Variants in HEG1 observed in about 807,000 individuals in gnomAD.
HEG1 encodes heart development protein with EGF like domains 1.
A neutral mutation model predicts 125.6 loss-of-function variants in HEG1; 56 were observed. That is an observed-to-expected ratio of 0.45 (90% CI 0.36 to 0.56). The LOEUF (loss-of-function observed/expected upper bound fraction) is 0.56, where lower values mean the gene tolerates loss of function less well. Ranked by LOEUF, HEG1 falls within the 20% of genes least tolerant of loss-of-function variation. The pLI, the probability that HEG1 is intolerant of heterozygous loss-of-function variation, is 0.00. For synonymous variants in HEG1, 644 were observed against 668.5 expected, an observed-to-expected ratio of 0.96 and a Z score of 0.57; for missense variants, 1,523 against 1,670.0, an observed-to-expected ratio of 0.91 and a Z score of 1.53.
Position 125,055,720 on chromosome 3 carries a change from C to A in HEG1, c.171G>T (p.Glu57Asp). Residue 57 changes from glutamate to aspartate, a missense_variant, in exon 1 of 17, where the codon GAG (glutamate) becomes GAT (aspartate). Coordinates refer to ENST00000311127, the MANE Select transcript of HEG1 (RefSeq NM_020733.2). ...LAGAGLELQL[E>D]RRPEREPPPT... ...GCGGCGGCTCGCGCTCCGGGCGGCGCTCCAGCTGCAGCTCCAGCCCCGCTC... is the reference window on the plus strand; with the variant it reads ...GCGGCGGCTCGCGCTCCGGGCGGCGATCCAGCTGCAGCTCCAGCCCCGCTC... 9.5e-7 allele frequency: 1 copy of A among 1,057,272 alleles called. No individual in the cohort carries two copies. The highest frequency in any genetic ancestry group is 1.1e-6 in the Non-Finnish European group (1 of 878,508). 65.5% of individuals were successfully genotyped at this position (1,057,272 alleles called of 1,614,324 possible).
chr3:125,001,021 TTTTGAACTTGTC>T (rs1280994702), intron 11 of HEG1, among the ~76,000 whole-genome samples: 2 of 152,244 alleles, frequency 1.3e-5, no homozygotes, highest in Non-Finnish European at 2.9e-5. Context: ...AAAACTTCCC[TTTTGAACTTGTC>T]TCCAATCCCT....
In HEG1 at chr3:125,009,285, TG is replaced by T. The variant is rs1191792651; in HGVS notation, c.3193+419del. The stretch of plus-strand genomic sequence containing the variant: ...TACTCTCTCTTTTCTCCATCTAAAT[TG>T]TTTTTTTTTTTTTTATTATGTGGTC... On this transcript the variant is annotated intron_variant, in intron 8 of 16. Transcript: ENST00000311127. 8.6e-5 allele frequency among the ~76,000 whole-genome samples: 13 copies of T among 150,846 alleles called. No individual in the cohort carries two copies. The South Asian group carries it at 1.0e-3, about 12-fold the overall frequency.
intron 1 of HEG1, among the ~76,000 whole-genome samples, chr3:125,033,535 T>C (rs756638673): frequency 5.3e-5 from 8 of 152,188 alleles, no homozygotes; most frequent in Non-Finnish European, 1.2e-4. Flanking sequence ...CCCGAGTATA[T>C]ATAATCACAA....
chr3:125,016,156 G>T (rs1461200968), intron 5 of HEG1, among the ~76,000 whole-genome samples: 2 of 152,202 alleles, frequency 1.3e-5, no homozygotes, highest in African/African-American at 4.8e-5. Flanking sequence ...ATGAAATTTA[G>T]GCCAATGACC....
intron 14 of HEG1, among the ~76,000 whole-genome samples, chr3:124,979,592 C>T (rs1314612450): frequency 2.0e-5 from 3 of 152,062 alleles, no homozygotes; most frequent in African/African-American, 7.2e-5. Flanking sequence ...TGTGGAAATA[C>T]AAGAAAATTG....
chr3:125,027,130 C>A (rs1234182832), intron 3 of HEG1, 75 bp downstream of exon 3: 3 of 1,328,882 alleles, frequency 2.3e-6, no homozygotes, highest in Non-Finnish European at 3.0e-6. Flanking sequence ...GAGTATGTAA[C>A]TAGCTGGCTA....
At chr3:125,010,938 T>C (rs960268702) in intron 6 of HEG1, among the ~76,000 whole-genome samples, 1 of 152,138 alleles carries the variant, frequency 6.6e-6, no homozygotes, top group Non-Finnish European at 1.5e-5. Flanking sequence ...ATCAACTCAT[T>C]CCCCCGCTAG....
chr3:125,022,355 T>C (rs1036098176), intron 3 of HEG1, among the ~76,000 whole-genome samples: 4 of 151,094 alleles, frequency 2.6e-5, no homozygotes, highest in Non-Finnish European at 5.9e-5. Flanking sequence ...CTATGTGCAG[T>C]TGTGAGCAAA....
At chr3:125,051,050 C>T (rs976697912) in intron 1 of HEG1, among the ~76,000 whole-genome samples, 2 of 152,126 alleles carry the variant, frequency 1.3e-5, no homozygotes, top group Non-Finnish European at 1.5e-5. Flanking sequence ...AGGAGAGGGC[C>T]CATTAAGAAA....
At chr3:125,024,591 G>A (rs971747916) in intron 3 of HEG1, among the ~76,000 whole-genome samples, 2 of 152,204 alleles carry the variant, frequency 1.3e-5, no homozygotes, top group South Asian at 2.1e-4. Context: ...ATTTCCAATG[G>A]TTTCTGATCT....
chr3:124,993,601 G>A (rs1026873779), intron 12 of HEG1, among the ~76,000 whole-genome samples: 2 of 152,206 alleles, frequency 1.3e-5, no homozygotes, highest in Non-Finnish European at 2.9e-5. Context: ...GGCAGCCACC[G>A]GAAATTGCTT....
chr3:124,970,485 T>C lies in HEG1; in HGVS notation c.*167A>G, dbSNP rs1936404406. ...TGAATGAGCAGCCTGTGGTTCCACATCCACCTGTCTCCTCCACTGTGGTCA... is the reference window on the plus strand; with the variant it reads ...TGAATGAGCAGCCTGTGGTTCCACACCCACCTGTCTCCTCCACTGTGGTCA... On this transcript the variant is annotated 3_prime_UTR_variant, in exon 17 of 17. Coordinates refer to ENST00000311127, the MANE Select transcript of HEG1 (RefSeq NM_020733.2). The C allele has an allele frequency of 1.7e-6, 1 of 601,902 alleles. No individual in the cohort carries two copies. Among genetic ancestry groups the C allele is most frequent in the Admixed American group, 3.0e-5 (1 of 33,372 alleles). 37.3% of individuals were successfully genotyped at this position (601,902 alleles called of 1,614,324 possible).
chr3:125,000,349 C>T (rs1307618871), intron 11 of HEG1, among the ~76,000 whole-genome samples: 1 of 152,150 alleles, frequency 6.6e-6, no homozygotes, highest in Non-Finnish European at 1.5e-5. Context: ...GATTTGAATG[C>T]ATTTATGGGA....
intron 11 of HEG1, among the ~76,000 whole-genome samples, chr3:125,000,724 C>G (rs950132238): frequency 2.0e-5 from 3 of 152,128 alleles, no homozygotes; most frequent in African/African-American, 7.2e-5. Flanking sequence ...CCAGAAAGCT[C>G]TCTTGACTGG....
intron 15 of HEG1, among the ~76,000 whole-genome samples, chr3:124,976,751 G>A (rs917307704): frequency 6.6e-6 from 1 of 152,040 alleles, no homozygotes; most frequent in African/African-American, 2.4e-5. Context: ...CCTTTCCTGG[G>A]AAAGCTGGTT....
chr3:125,018,864 C>CA (rs1553778316), intron 5 of HEG1, among the ~76,000 whole-genome samples: 2 of 119,600 alleles, frequency 1.7e-5, no homozygotes, highest in Middle Eastern at 4.7e-3. Flanking sequence ...TTCATGCATG[C>CA]TTTTTTTTTT....
At position 124,995,512 on chromosome 3, in the gene HEG1, A is replaced by G. The variant is rs145160642; in HGVS notation, c.3652+2177T>C. On this transcript the variant is annotated intron_variant, in intron 12 of 16. Transcript: ENST00000311127. ...TAGAGACTTGCTAATGTATAGCTTG[A>G]ACTGCAGTGATTTAGAAAACACACA... Among the ~76,000 whole-genome samples, 829 of 152,288 alleles carry G rather than the reference A, an allele frequency of 5.4e-3. 3 individuals are homozygous for G. The highest frequency in any genetic ancestry group is 7.5e-3 in the Non-Finnish European group (511 of 68,024).
intron 14 of HEG1, among the ~76,000 whole-genome samples, chr3:124,987,777 C>G (rs1220772059): frequency 6.6e-6 from 1 of 151,190 alleles, no homozygotes; most frequent in Admixed American, 6.6e-5. Flanking sequence ...GCCTCGGCCT[C>G]CCAAAGTGCT....
chr3:125,030,647 T>C (rs2948782), intron 1 of HEG1, among the ~76,000 whole-genome samples: 10,542 of 152,276 alleles, frequency 0.069, 538 homozygotes, highest in East Asian at 0.17. Flanking sequence ...TAAATATGCA[T>C]GGAGGTAGGT....
Sources: allele counts gnomAD v4.1 joint callset (sites outside exome capture counted in the v4.1 genomes callset), GRCh38; gene constraint gnomAD v4.1.1; transcripts MANE v1.5; gene names NCBI Gene and HGNC (gene_info 2026-07-23, HGNC 2026-07-21).